Variants in OXR1 observed in about 807,000 individuals in gnomAD.
OXR1 encodes oxidation resistance 1, also known as oxidation resistance protein 1.
Under a neutral mutation model 104.6 loss-of-function variants are expected in OXR1, and 41 were observed. The ratio of observed to expected loss-of-function variants is 0.39; its 90% CI spans 0.31 to 0.51. The LOEUF is 0.51. Among genes scored for constraint, OXR1 ranks in the 20% least tolerant of loss-of-function variants. OXR1 has a pLI of 0.77. For missense variants in OXR1, 955 were observed against 1,031.9 expected, an observed-to-expected ratio of 0.93 and a Z score of 1.02; for synonymous variants, 348 against 348.4, an observed-to-expected ratio of 1.00 and a Z score of 0.01.
At chr8:106,373,447 C>T (rs566889321) in intron 2 of OXR1, among the ~76,000 whole-genome samples, 6 of 152,294 alleles carry the variant, frequency 3.9e-5, no homozygotes, top group Admixed American at 6.5e-5. Flanking sequence ...CAGGTGCTAA[C>T]ATGTTATGGA....
chr8:106,359,962 G>C (rs543056547), intron 2 of OXR1, among the ~76,000 whole-genome samples: 1 of 152,120 alleles, frequency 6.6e-6, no homozygotes, highest in Admixed American at 6.6e-5. Context: ...TATATTCCCA[G>C]ATATAGGACT....
At chr8:106,332,487 A>C (rs1401188175) in intron 1 of OXR1, among the ~76,000 whole-genome samples, 1 of 152,208 alleles carries the variant, frequency 6.6e-6, no homozygotes, top group African/African-American at 2.4e-5. Flanking sequence ...TGAAACTAAG[A>C]AAGATAAAGC....
intron 1 of OXR1, among the ~76,000 whole-genome samples, chr8:106,310,569 C>A (rs1014567675): frequency 3.9e-5 from 6 of 152,136 alleles, no homozygotes; most frequent in African/African-American, 1.4e-4. Context: ...GGCATATCCT[C>A]TTATAACTTC....
At chr8:106,732,954 A>G (rs1834029513) in intron 11 of OXR1, among the ~76,000 whole-genome samples, 2 of 152,146 alleles carry the variant, frequency 1.3e-5, no homozygotes, top group African/African-American at 4.8e-5. Flanking sequence ...GAGTTTGTAT[A>G]ATTTCTTCGT....
At chr8:106,596,006 A>G (rs1819500164) in intron 3 of OXR1, among the ~76,000 whole-genome samples, 1 of 152,214 alleles carries the variant, frequency 6.6e-6, no homozygotes, top group Non-Finnish European at 1.5e-5. Flanking sequence ...ATTTCAAGTT[A>G]TCATTTATTT....
At chr8:106,519,246 A>G (rs1411119029) in intron 3 of OXR1, 107 bp downstream of exon 3, 2 of 677,236 alleles carry the variant, frequency 3.0e-6, no homozygotes, top group Non-Finnish European at 5.0e-6. Context: ...AAAACATGTA[A>G]ATCTTTCTGA....
chr8:106,653,897 T>C (rs899574464), intron 3 of OXR1, among the ~76,000 whole-genome samples: 5 of 151,964 alleles, frequency 3.3e-5, no homozygotes, highest in African/African-American at 9.7e-5. Flanking sequence ...GGTTGTAAGA[T>C]ACAAGAACAG....
chr8:106,550,335 C>T (rs1815704599), intron 3 of OXR1, among the ~76,000 whole-genome samples: 1 of 152,194 alleles, frequency 6.6e-6, no homozygotes, highest in Admixed American at 6.5e-5. Flanking sequence ...GTTCACACAA[C>T]AGCATTCCAT....
chr8:106,365,219 T>C (rs1205393163), intron 2 of OXR1, among the ~76,000 whole-genome samples: 1 of 151,954 alleles, frequency 6.6e-6, no homozygotes, highest in East Asian at 1.9e-4. Flanking sequence ...AAAAGCTTAG[T>C]TGTGAGAGAT....
At position 106,312,140 on chromosome 8, in the gene OXR1, A is replaced by T. The variant is rs143955735; in HGVS notation, c.-139+41773A>T. ...GAATTTTATATGATTTCAGTGAAATAAACTAAAGCGATTTGAATTAAATAT... is the reference window on the plus strand; with the variant it reads ...GAATTTTATATGATTTCAGTGAAATTAACTAAAGCGATTTGAATTAAATAT... On this transcript the variant is annotated intron_variant, in intron 1 of 16. Coordinates refer to ENST00000517566, the MANE Select transcript of OXR1 (RefSeq NM_001198533.2). Among the ~76,000 whole-genome samples, 88 of 152,318 alleles carry T rather than the reference A, an allele frequency of 5.8e-4. 1 individual carries two copies. In the East Asian group the frequency reaches 0.015, roughly 26 times the overall value.
At chr8:106,683,166 A>G in intron 4 of OXR1, 33 bp from the exon 5 acceptor site, 1 of 1,072,656 alleles carries the variant, frequency 9.3e-7, no homozygotes, top group Non-Finnish European at 1.4e-6. Flanking sequence ...TCTGTTTTAA[A>G]CATTGAAATA....
chr8:106,359,699 A>T (rs1816156373), intron 2 of OXR1, 63 bp downstream of exon 2: 1 of 1,167,266 alleles, frequency 8.6e-7, no homozygotes, highest in East Asian at 2.6e-5. Flanking sequence ...GTATTTTCTG[A>T]GGGAGTCGTA....
intron 1 of OXR1, among the ~76,000 whole-genome samples, chr8:106,313,987 A>G (rs1392260712): frequency 1.3e-5 from 2 of 152,204 alleles, no homozygotes; most frequent in East Asian, 1.9e-4. Flanking sequence ...ATCCTGGACT[A>G]TGTTTCCACG....
intron 6 of OXR1, among the ~76,000 whole-genome samples, chr8:106,689,112 T>G (rs1394578416): frequency 6.6e-6 from 1 of 152,112 alleles, no homozygotes; most frequent in African/African-American, 2.4e-5. Flanking sequence ...CAAAAGAAAT[T>G]TATTACCATA....
At chr8:106,722,082 T>G (rs1445698564) in intron 11 of OXR1, among the ~76,000 whole-genome samples, 1 of 152,228 alleles carries the variant, frequency 6.6e-6, no homozygotes, top group Non-Finnish European at 1.5e-5. Flanking sequence ...TTTCCTAAGC[T>G]GACAGGCAGT....
At chr8:106,533,387 T>C (rs753190299) in intron 3 of OXR1, among the ~76,000 whole-genome samples, 1 of 152,180 alleles carries the variant, frequency 6.6e-6, no homozygotes, top group African/African-American at 2.4e-5. Flanking sequence ...CTTGACATCC[T>C]GGAATTAGAG....
At chr8:106,584,031 A>C (rs914979870) in intron 3 of OXR1, among the ~76,000 whole-genome samples, 1 of 152,264 alleles carries the variant, frequency 6.6e-6, no homozygotes, top group Non-Finnish European at 1.5e-5. Context: ...AAGAAAGAAA[A>C]CCATCTAAAG....
intron 7 of OXR1, 65 bp downstream of exon 7, chr8:106,692,942 T>G: frequency 2.6e-6 from 3 of 1,170,286 alleles, no homozygotes; most frequent in Non-Finnish European, 3.6e-6. Flanking sequence ...GTATGATAGT[T>G]TGGCATTTAC....
At chr8:106,611,800 G>T (rs1307524820) in intron 3 of OXR1, among the ~76,000 whole-genome samples, 1 of 152,106 alleles carries the variant, frequency 6.6e-6, no homozygotes, top group Non-Finnish European at 1.5e-5. Flanking sequence ...AGTGACTTTT[G>T]TAAGGAAGTA....
Sources: gnomAD v4.1 joint callset for allele counts (sites outside exome capture counted in the v4.1 genomes callset) on GRCh38, gnomAD v4.1.1 for gene constraint, MANE v1.5 for transcripts, NCBI Gene and HGNC (gene_info 2026-07-23, HGNC 2026-07-21) for gene names.